EPC1: variants seen among roughly 807,000 people sequenced by gnomAD.
EPC1 encodes the protein enhancer of polycomb 1, also known as enhancer of polycomb homolog 1.
A neutral mutation model predicts 98.4 loss-of-function variants in EPC1; 12 were observed. The ratio of observed to expected loss-of-function variants is 0.12; its 90% CI spans 0.08 to 0.20. The LOEUF (loss-of-function observed/expected upper bound fraction) is 0.20. Ranked by LOEUF, EPC1 falls within the 10% of genes least tolerant of loss-of-function variation. The pLI is 1.00. For synonymous variants in EPC1, 357 were observed against 363.9 expected (o/e 0.98, Z 0.21); for missense variants, 729 against 990.5 (o/e 0.74, Z 3.54).
Position 32,269,140 on chromosome 10 carries a change from T to G in EPC1, c.2370-5A>C, listed in dbSNP as rs1835713542. 2 of 1,612,582 alleles carry G rather than the reference T, an allele frequency of 1.2e-6. No individual in the cohort carries two copies. Among genetic ancestry groups the G allele is most frequent in the African/African-American group, 2.7e-5 (2 of 74,904 alleles). Reference sequence around the variant, plus strand: ...TTTTCTGATTCATGATTTTCCCTGTTGAAATAAAGTTCAATCAATTACTTA... The same window carrying G: ...TTTTCTGATTCATGATTTTCCCTGTGGAAATAAAGTTCAATCAATTACTTA... On this transcript the variant is annotated splice_polypyrimidine_tract_variant and splice_region_variant and intron_variant, in intron 13 of 13. Transcript: ENST00000319778.
intron 6 of EPC1, 112 bp from the exon 7 acceptor site, chr10:32,287,386 C>T (rs1253320688): frequency 9.7e-7 from 1 of 1,026,394 alleles, no homozygotes; most frequent in Non-Finnish European, 1.4e-6. Context: ...CATTCATATT[C>T]ATAAGAGACA....
chr10:32,329,796 T>A (rs1364582437), intron 1 of EPC1, among the ~76,000 whole-genome samples: 1 of 152,180 alleles, frequency 6.6e-6, no homozygotes, highest in Non-Finnish European at 1.5e-5. Flanking sequence ...GGTGAGACTA[T>A]AACCAAATAA....
chr10:32,287,771 G>C (rs1836766508), intron 6 of EPC1, among the ~76,000 whole-genome samples: 1 of 152,166 alleles, frequency 6.6e-6, no homozygotes, highest in Admixed American at 6.5e-5. Context: ...TGCTGAGTGA[G>C]GGGTTATACA....
exon 1 of EPC1, chr10:32,378,659 G>C (rs1202472871): frequency 4.1e-6 from 2 of 486,532 alleles, no homozygotes; most frequent in African/African-American, 2.0e-5. Context: ...ATCGGTGGCC[G>C]AATGGGGTGG....
rs1836732178 is a variant in EPC1, at chr10:32,287,154, C to T, written c.1096G>A (p.Ala366Thr). The T allele has an allele frequency of 6.2e-7, 1 of 1,614,148 alleles. No homozygotes were observed. The highest frequency in any genetic ancestry group is 8.5e-7 in the Non-Finnish European group (1 of 1,180,036). ...TSPAALPVFN[A>T]KDLNQYDFPS... ...AAGTCATACTGATTCAGATCTTTAG[C>T]ATTGAAGACTGGCAGTGCAGCAGGA... Residue 366 changes from alanine (A) to threonine (T), a missense_variant, in exon 7 of 14, where the codon GCT (alanine) becomes ACT (threonine). Transcript: ENST00000319778.
chr10:32,369,436 C>T (rs766848252), intron 1 of EPC1, among the ~76,000 whole-genome samples: 1 of 152,040 alleles, frequency 6.6e-6, no homozygotes, highest in African/African-American at 2.4e-5. Flanking sequence ...ATAAATAAGG[C>T]TCAGTACACC....
At chr10:32,285,883 T>C (rs1335609142) in intron 9 of EPC1, 1 of 152,188 alleles carries the variant, frequency 6.6e-6, no homozygotes, top group African/African-American at 2.4e-5. Context: ...GAATTTTCAC[T>C]GCTCCTGATG....
upstream of EPC1, among the ~76,000 whole-genome samples, chr10:32,349,848 C>T (rs116889703): frequency 4.7e-3 from 711 of 152,328 alleles, 6 homozygotes; most frequent in Middle Eastern, 0.017. Flanking sequence ...AGTCCTCCCA[C>T]CTCGGCCTCC....
chr10:32,287,375 G>T, intron 6 of EPC1, 101 bp from the exon 7 acceptor site: 1 of 1,147,670 alleles, frequency 8.7e-7, no homozygotes, highest in Non-Finnish European at 1.3e-6. Context: ...TATAATGAGG[G>T]CATTCATATT....
chr10:32,353,488 A>G (rs1839183858), intron 1 of EPC1, among the ~76,000 whole-genome samples: 1 of 152,222 alleles, frequency 6.6e-6, no homozygotes, highest in African/African-American at 2.4e-5. Flanking sequence ...TTGATGGGAC[A>G]ACAAGATTAA....
At chr10:32,342,176 TTCTAC>T (rs1248652287) in intron 1 of EPC1, among the ~76,000 whole-genome samples, 1 of 152,214 alleles carries the variant, frequency 6.6e-6, no homozygotes, top group Non-Finnish European at 1.5e-5. Context: ...TAAACTTTGC[TTCTAC>T]TATAATTGAG....
chr10:32,326,868 A>G (rs1837309838), intron 1 of EPC1, among the ~76,000 whole-genome samples: 1 of 152,130 alleles, frequency 6.6e-6, no homozygotes, highest in African/African-American at 2.4e-5. Context: ...CTCAAGTGAG[A>G]ACGTCTATTA....
chr10:32,377,887 T>C (rs1445971743), intron 1 of EPC1, among the ~76,000 whole-genome samples: 1 of 152,138 alleles, frequency 6.6e-6, no homozygotes. Context: ...AAGATAGACC[T>C]GCAAAGATTA....
chr10:32,320,960 C>A (rs996252035), intron 1 of EPC1, among the ~76,000 whole-genome samples: 33 of 152,192 alleles, frequency 2.2e-4, no homozygotes, highest in African/African-American at 6.5e-4. Flanking sequence ...CCATTCTCCT[C>A]CACAATATAT....
At chr10:32,329,118 C>T (rs1837487193) in intron 1 of EPC1, among the ~76,000 whole-genome samples, 1 of 152,146 alleles carries the variant, frequency 6.6e-6, no homozygotes, top group African/African-American at 2.4e-5. Context: ...CTCCTGGCTC[C>T]TTTATGATTA....
At chr10:32,296,636 G>A (rs964074246) in intron 2 of EPC1, among the ~76,000 whole-genome samples, 4 of 152,306 alleles carry the variant, frequency 2.6e-5, no homozygotes, top group South Asian at 2.1e-4. Context: ...GGGGCCAGGC[G>A]TAGTGGCTCA....
chr10:32,373,209 T>G (rs1839799231), intron 1 of EPC1, among the ~76,000 whole-genome samples: 1 of 152,202 alleles, frequency 6.6e-6, no homozygotes, highest in Non-Finnish European at 1.5e-5. Flanking sequence ...TGCCTCAGTT[T>G]CCTTGGCTGC....
chr10:32,366,264 A>G (rs1029263560), intron 1 of EPC1, among the ~76,000 whole-genome samples: 1 of 152,168 alleles, frequency 6.6e-6, no homozygotes, highest in Non-Finnish European at 1.5e-5. Flanking sequence ...GTGCAAAAGC[A>G]TTGTACTATA....
intron 6 of EPC1, among the ~76,000 whole-genome samples, chr10:32,290,483 C>CAAAGAAAAAAAAAAAAAAAAA (rs1836935766): frequency 2.5e-5 from 1 of 40,160 alleles, no homozygotes; most frequent in African/African-American, 1.3e-4. Flanking sequence ...AAGACTCTGT[C>CAAAGAAAAAAAAAAAAAAAAA]AAAAAAAAAA....
Sources: gnomAD v4.1 joint callset for allele counts (sites outside exome capture counted in the v4.1 genomes callset) on GRCh38, gnomAD v4.1.1 for gene constraint, MANE v1.5 for transcripts, NCBI Gene and HGNC (gene_info 2026-07-23, HGNC 2026-07-21) for gene names.